The following PHKA2 variants were observed in gnomAD, a reference collection of about 807,000 sequenced individuals.
The protein encoded by PHKA2 is phosphorylase kinase regulatory subunit alpha 2.
A neutral mutation model predicts 102.0 loss-of-function variants in PHKA2; 31 were observed. The ratio of observed to expected loss-of-function variants is 0.30; its 90% CI spans 0.23 to 0.41. The LOEUF (loss-of-function observed/expected upper bound fraction) is 0.41, where lower values mean the gene tolerates loss of function less well. PHKA2 is among the 10% of genes least tolerant of loss of function. The pLI, the probability that PHKA2 is intolerant of heterozygous loss-of-function variation, is 1.00. For missense variants in PHKA2, 858 were observed against 1,023.1 expected, an observed-to-expected ratio of 0.84 and a Z score of 2.20; for synonymous variants, 455 against 416.2, an observed-to-expected ratio of 1.09 and a Z score of -1.13.
chrX:18,893,361 G>A lies in PHKA2; in HGVS notation c.*124C>T, dbSNP rs2047461973. On this transcript the variant is annotated 3_prime_UTR_variant, in exon 33 of 33. Transcript: ENST00000379942. ...AGGGTGAGTGCTACCATTGCCCCCC[G>A]AGAGTGTTTCTGATGGGACATGCTT... The A allele has an allele frequency of 4.3e-6, 3 of 691,877 alleles. No homozygotes were observed. The highest frequency in any genetic ancestry group is 2.1e-5 in the African/African-American group (1 of 46,750). The allele number at this position is 691,877 out of a possible 1,213,427, so 57.0% of individuals were successfully genotyped here. A position where few individuals can be genotyped will look rare whatever the true frequency, so the allele number is the denominator to read the frequency against.
At chrX:18,959,291 T>C (rs1488100272) in intron 1 of PHKA2, among the ~76,000 whole-genome samples, 2 of 112,375 alleles carry the variant, frequency 1.8e-5, no homozygotes, top group Non-Finnish European at 3.8e-5. Flanking sequence ...ATAATTGCGA[T>C]GTTTAATATT....
chrX:18,893,710 G>A (rs181576925), intron 32 of PHKA2, 55 bp from the exon 33 acceptor site: 5 of 1,092,487 alleles, frequency 4.6e-6, no homozygotes, highest in African/African-American at 1.8e-5. Flanking sequence ...TCCCCGTCAC[G>A]CTTCTGCGTG....
At chrX:18,954,743 T>A (rs1485601113) in intron 1 of PHKA2, among the ~76,000 whole-genome samples, 1 of 112,909 alleles carries the variant, frequency 8.9e-6, no homozygotes, top group Non-Finnish European at 1.9e-5. Context: ...ACTGCAAGGC[T>A]TTCACAAAGC....
At chrX:18,948,721 A>C (rs756411999) in intron 5 of PHKA2, 23 bp downstream of exon 5, 4 of 1,017,631 alleles carry the variant, frequency 3.9e-6, no homozygotes, top group Non-Finnish European at 5.5e-6. Flanking sequence ...ACATCTGAAA[A>C]GACTACCAGG....
At chrX:18,939,095 C>T (rs1274823699) in intron 9 of PHKA2, among the ~76,000 whole-genome samples, 1 of 112,352 alleles carries the variant, frequency 8.9e-6, no homozygotes. Context: ...AGGCCACAGT[C>T]GGTCTTTAAG....
chrX:18,902,213 G>A (rs970539670), intron 26 of PHKA2, among the ~76,000 whole-genome samples: 2 of 110,192 alleles, frequency 1.8e-5, no homozygotes, highest in African/African-American at 6.6e-5. Context: ...TTGGCTCACT[G>A]CAACCTCTGC....
chrX:18,905,009 A>G (rs760701945), intron 26 of PHKA2, among the ~76,000 whole-genome samples: 1 of 111,674 alleles, frequency 9.0e-6, no homozygotes, highest in African/African-American at 3.3e-5. Flanking sequence ...ACAAAGCAAA[A>G]TAAGTTAGCT....
In PHKA2 at chrX:18,910,809, T is replaced by G. The variant is rs1174925759; in HGVS notation, c.2226+63A>C. 7.8e-6 allele frequency: 5 copies of G among 642,113 alleles called. No individual in the cohort carries two copies. In the African/African-American group the frequency reaches 8.8e-5, roughly 11 times the overall value. The allele number at this position is 642,113 out of a possible 1,213,427, so 52.9% of individuals were successfully genotyped here. ...TTGAGTTTAGCCATTTGGAAGAGTT[T>G]GGGGACTCATCCTGCATTGTAGAAC... is the stretch of plus-strand genomic sequence containing the variant. On this transcript the variant is annotated intron_variant, in intron 20 of 32. Coordinates refer to ENST00000379942, the MANE Select transcript of PHKA2 (RefSeq NM_000292.3).
At chrX:18,942,420 T>C (rs1169449162) in intron 7 of PHKA2, among the ~76,000 whole-genome samples, 1 of 111,701 alleles carries the variant, frequency 9.0e-6, no homozygotes, top group Admixed American at 9.5e-5. Context: ...GGACTTAGGG[T>C]ACCATGTCCA....
intron 17 of PHKA2, among the ~76,000 whole-genome samples, chrX:18,920,855 A>G (rs916422605): frequency 1.4e-4 from 16 of 112,584 alleles, no homozygotes; most frequent in African/African-American, 4.8e-4. Flanking sequence ...CACATACAGA[A>G]GAAAACATTC....
rs1362043879 is a variant in PHKA2 at position 18,918,755 on chromosome X, T to C, written c.2063A>G (p.His688Arg). 1 of 1,206,963 alleles carries C rather than the reference T, an allele frequency of 8.3e-7. No individual in the cohort carries two copies. The highest frequency in any genetic ancestry group is 1.8e-5 in the South Asian group (1 of 56,882). The change falls in exon 19 of 33, where the codon CAT becomes CGT. Residue 688 changes from histidine to arginine, a missense_variant. Around this residue, in one of 2 missense-constraint regions of PHKA2, gnomAD observed 671 missense variants for 745.2 expected, o/e 0.90. Transcript: ENST00000379942. ...PPLCKNTEDR[H>R]VFSAIHSTRD... ...CGTGGAGTGGATAGCACTGAAGACA[T>C]GGCGGTCTTCTGTGTTCTTACAAAG...
rs1236459136 is a variant in PHKA2 at position 18,951,275 on chromosome X, G to A, written c.286-3C>T. 2.5e-6 allele frequency: 3 copies of A among 1,208,780 alleles called. No individual in the cohort carries two copies. The highest frequency in any genetic ancestry group is 1.7e-5 in the African/African-American group (1 of 57,319). On this transcript the variant is annotated splice_region_variant and splice_polypyrimidine_tract_variant and intron_variant, in intron 3 of 32. Transcript: ENST00000379942. Reference sequence around the variant, plus strand: ...TTGAACTTCTCCACTTTGGCCACCTGAGGGAGAAGGCAAGCCCGCTCTGCA... The same window carrying A: ...TTGAACTTCTCCACTTTGGCCACCTAAGGGAGAAGGCAAGCCCGCTCTGCA...
intron 5 of PHKA2, among the ~76,000 whole-genome samples, chrX:18,945,937 A>C (rs755299944): frequency 9.3e-5 from 10 of 107,197 alleles, no homozygotes; most frequent in East Asian, 2.9e-4. Flanking sequence ...CTTTTTTTTT[A>C]TTTTTATTTT....
chrX:18,942,349 C>T (rs2048505817), intron 7 of PHKA2, among the ~76,000 whole-genome samples: 1 of 111,800 alleles, frequency 8.9e-6, no homozygotes, highest in Admixed American at 9.5e-5. Context: ...AGATCTAACA[C>T]GTACAGACAT....
chrX:18,950,213 G>A (rs751940137), intron 4 of PHKA2, among the ~76,000 whole-genome samples: 13 of 112,039 alleles, frequency 1.2e-4, no homozygotes, highest in South Asian at 1.1e-3. Flanking sequence ...TGCTCAGCCC[G>A]CTCTGGGCAC....
At chrX:18,925,986 T>C (rs1158665257) in intron 14 of PHKA2, among the ~76,000 whole-genome samples, 19 of 111,763 alleles carry the variant, frequency 1.7e-4, no homozygotes, top group Non-Finnish European at 9.4e-5. Context: ...ATATGAACAG[T>C]ACCCAGTTGG....
intron 18 of PHKA2, 86 bp from the exon 19 acceptor site, chrX:18,918,940 G>T: frequency 1.3e-6 from 1 of 796,459 alleles, no homozygotes. Flanking sequence ...GTAGCAAGCA[G>T]CACTGAGTAG....
At chrX:18,899,497 C>T (rs1461733566) in intron 28 of PHKA2, among the ~76,000 whole-genome samples, 2 of 112,485 alleles carry the variant, frequency 1.8e-5, no homozygotes, top group Non-Finnish European at 3.7e-5. Context: ...TTAAATGTTC[C>T]TGTCATATGT....
intron 20 of PHKA2, among the ~76,000 whole-genome samples, chrX:18,909,703 G>C (rs1035109598): frequency 8.9e-6 from 1 of 112,368 alleles, no homozygotes; most frequent in African/African-American, 3.2e-5. Context: ...AAAGCATCTT[G>C]CTTTGACCAC....
Sources: allele counts gnomAD v4.1 joint callset (sites outside exome capture counted in the v4.1 genomes callset), GRCh38; gene constraint gnomAD v4.1.1; regional missense constraint gnomAD v4.1.1; transcripts MANE v1.5; gene names NCBI Gene and HGNC (gene_info 2026-07-23, HGNC 2026-07-21).